The following MGAT4C variants were observed in gnomAD, a reference collection of about 807,000 sequenced individuals.
MGAT4C encodes MGAT4 family member C.
MGAT4C carries 19 observed loss-of-function variants against 40.1 expected under a neutral mutation model. The observed-to-expected ratio is 0.47, with a 90% CI of 0.33 to 0.70. The LOEUF (loss-of-function observed/expected upper bound fraction) is 0.70, where lower values mean the gene tolerates loss of function less well. Ranked by LOEUF, MGAT4C falls within the 30% of genes least tolerant of loss-of-function variation. The pLI, the probability that MGAT4C is intolerant of heterozygous loss-of-function variation, is 0.02. For synonymous variants in MGAT4C, 181 were observed against 187.1 expected (o/e 0.97, Z 0.27); for missense variants, 491 against 563.2 (o/e 0.87, Z 1.30).
At chr12:86,377,914 T>A (rs528741798) in intron 3 of MGAT4C, among the ~76,000 whole-genome samples, 1 of 152,294 alleles carries the variant, frequency 6.6e-6, no homozygotes, top group South Asian at 2.1e-4. Flanking sequence ...GCTGTCTCTA[T>A]GAACTTGATT....
At chr12:86,802,561 C>G (rs1952252888) in intron 1 of MGAT4C, among the ~76,000 whole-genome samples, 1 of 151,800 alleles carries the variant, frequency 6.6e-6, no homozygotes, top group Non-Finnish European at 1.5e-5. Context: ...GCAACTTCAG[C>G]AAAGTCTCAG....
At chr12:86,694,408 T>G (rs1442931228) in intron 2 of MGAT4C, among the ~76,000 whole-genome samples, 1 of 152,186 alleles carries the variant, frequency 6.6e-6, no homozygotes, top group African/African-American at 2.4e-5. Context: ...GTGATTATTA[T>G]GTCTATCTTG....
In MGAT4C at chr12:85,972,080, A is replaced by G. The variant is rs1400285669; in HGVS notation, c.*7209T>C. The G allele has an allele frequency of 3.3e-5, 5 of 151,176 alleles. No individual in the cohort carries two copies. The highest frequency in any genetic ancestry group is 1.2e-4 in the African/African-American group (5 of 41,364). The allele number at this position is 151,176 out of a possible 1,614,324, so 9.4% of individuals were successfully genotyped here. On this transcript the variant is annotated 3_prime_UTR_variant, in exon 5 of 5. Coordinates refer to ENST00000611864, the MANE Select transcript of MGAT4C (RefSeq NM_001351288.2). ...ATTACATTACAGACAATTCATATAT[A>G]TGTCTTGAAAATCTTCTTGACAATT...
intron 1 of MGAT4C, among the ~76,000 whole-genome samples, chr12:86,067,499 C>G (rs575094823): frequency 1.9e-4 from 29 of 150,906 alleles, no homozygotes; most frequent in Admixed American, 7.9e-4. Flanking sequence ...TAAGTAGGAG[C>G]TGAACGATGA....
intron 1 of MGAT4C, among the ~76,000 whole-genome samples, chr12:86,253,901 T>A (rs1009805560): frequency 1.3e-5 from 2 of 151,976 alleles, no homozygotes; most frequent in African/African-American, 4.8e-5. Flanking sequence ...AAGAGTATTA[T>A]TTTGCAATAG....
chr12:86,044,052 T>C (rs1413039296), intron 2 of MGAT4C, among the ~76,000 whole-genome samples: 3 of 152,218 alleles, frequency 2.0e-5, no homozygotes, highest in Non-Finnish European at 4.4e-5. Flanking sequence ...GTTTTGTTGC[T>C]TTTATCTTCT....
Position 85,956,008 on chromosome 12 carries a change from T to C in MGAT4C, c.*23281A>G, listed in dbSNP as rs1455907467. 6.6e-6 allele frequency: 1 copy of C among 152,318 alleles called. No individual in the cohort carries two copies. Among genetic ancestry groups the C allele is most frequent in the Non-Finnish European group, 1.5e-5 (1 of 68,006 alleles). The allele number at this position is 152,318 out of a possible 1,614,324, so 9.4% of individuals were successfully genotyped here. A position where few individuals can be genotyped will look rare whatever the true frequency, so the allele number is the denominator to read the frequency against. ...ATGAAATTAAGTCCATGAATACATA[T>C]AGTAAAATGTAGAGGTTTTCAATTG... On this transcript the variant is annotated 3_prime_UTR_variant, in exon 5 of 5. Coordinates refer to ENST00000611864, the MANE Select transcript of MGAT4C (RefSeq NM_001351288.2).
chr12:86,335,902 A>G (rs1954777972), intron 3 of MGAT4C, among the ~76,000 whole-genome samples: 1 of 152,124 alleles, frequency 6.6e-6, no homozygotes, highest in Non-Finnish European at 1.5e-5. Flanking sequence ...ATATACCTCT[A>G]AAGAAAAATC....
intron 4 of MGAT4C, among the ~76,000 whole-genome samples, chr12:86,316,079 C>CAAAAAA (rs71076185): frequency 5.6e-4 from 19 of 34,058 alleles, no homozygotes; most frequent in Admixed American, 2.2e-3. Context: ...ATACAAGCAG[C>CAAAAAA]AAAAAAAAAA....
Position 86,150,889 on chromosome 12 carries a change from G to A in MGAT4C, c.-56-101166C>T, listed in dbSNP as rs150249816. ...TATGTAATCCTTTCAGCAATGATGT[G>A]TAACAATGCATGATAAGTGCTGCTA... On this transcript the variant is annotated intron_variant, in intron 1 of 4. Transcript: ENST00000611864. Among the ~76,000 whole-genome samples, 381 of 152,296 alleles carry A rather than the reference G, an allele frequency of 2.5e-3. 1 individual carries two copies. The highest frequency in any genetic ancestry group is 8.3e-3 in the African/African-American group (344 of 41,552).
At chr12:86,838,036 A>G (rs1953075140) in intron 1 of MGAT4C, among the ~76,000 whole-genome samples, 1 of 152,238 alleles carries the variant, frequency 6.6e-6, no homozygotes, top group African/African-American at 2.4e-5. Context: ...AAGTTAAATA[A>G]TAATTTTGTA....
At chr12:86,794,784 T>C (rs1565994888) in intron 1 of MGAT4C, among the ~76,000 whole-genome samples, 1 of 151,854 alleles carries the variant, frequency 6.6e-6, no homozygotes, top group South Asian at 2.1e-4. Context: ...ATCAATTTTT[T>C]TGTTTGATGC....
intron 3 of MGAT4C, among the ~76,000 whole-genome samples, chr12:86,387,038 T>G (rs1956064703): frequency 6.6e-6 from 1 of 152,170 alleles, no homozygotes. Context: ...TTCTATAAAT[T>G]GGCTTAAATA....
intron 3 of MGAT4C, among the ~76,000 whole-genome samples, chr12:86,377,597 T>G (rs1180221845): frequency 6.6e-6 from 1 of 152,208 alleles, no homozygotes; most frequent in Non-Finnish European, 1.5e-5. Flanking sequence ...AGTGACACAC[T>G]TAAGAATATA....
intron 2 of MGAT4C, among the ~76,000 whole-genome samples, chr12:86,448,474 T>C (rs1434782997): frequency 2.0e-5 from 3 of 152,204 alleles, no homozygotes; most frequent in South Asian, 2.1e-4. Context: ...ATATGCTTCA[T>C]TGCATTGTTT....
chr12:86,438,820 A>G (rs1957179712), intron 2 of MGAT4C, among the ~76,000 whole-genome samples: 1 of 151,894 alleles, frequency 6.6e-6, no homozygotes, highest in African/African-American at 2.4e-5. Flanking sequence ...AAGCAGGAGT[A>G]GCTATTCTCA....
At chr12:86,732,131 G>T (rs1261159421) in intron 1 of MGAT4C, among the ~76,000 whole-genome samples, 1 of 152,150 alleles carries the variant, frequency 6.6e-6, no homozygotes, top group African/African-American at 2.4e-5. Flanking sequence ...ACTAGAATGT[G>T]CAATGGCTTT....
At chr12:86,668,564 T>A (rs1326171139) in intron 2 of MGAT4C, among the ~76,000 whole-genome samples, 1 of 152,216 alleles carries the variant, frequency 6.6e-6, no homozygotes, top group African/African-American at 2.4e-5. Flanking sequence ...ATTTTTAATC[T>A]GTGCACATAC....
intron 4 of MGAT4C, among the ~76,000 whole-genome samples, chr12:86,316,626 C>CA (rs1175246276): frequency 2.0e-5 from 3 of 151,238 alleles, no homozygotes; most frequent in Admixed American, 6.6e-5. Context: ...CAAAACAAAA[C>CA]AAAAAAACAA....
Sources: gnomAD v4.1 joint callset for allele counts (sites outside exome capture counted in the v4.1 genomes callset) on GRCh38, gnomAD v4.1.1 for gene constraint, MANE v1.5 for transcripts, NCBI Gene and HGNC (gene_info 2026-07-23, HGNC 2026-07-21) for gene names.